The following RNF111 variants were observed in gnomAD, a reference collection of about 807,000 sequenced individuals.
The protein encoded by RNF111 is ring finger protein 111.
RNF111 carries 17 observed loss-of-function variants against 95.1 expected under a neutral mutation model. That is an observed-to-expected ratio of 0.18 (90% CI 0.12 to 0.27). The LOEUF is 0.27. Ranked by LOEUF, RNF111 falls within the 10% of genes least tolerant of loss-of-function variation. RNF111 has a pLI of 1.00. For missense variants in RNF111, 1,189 were observed against 1,210.4 expected (o/e 0.98, Z 0.26); for synonymous variants, 440 against 414.8 (o/e 1.06, Z -0.74).
rs140702737 is a variant in RNF111, at chr15:59,077,811, G to T, written c.1948+1596G>T. 2.9e-4 allele frequency among the ~76,000 whole-genome samples: 44 copies of T among 152,312 alleles called. No homozygotes were observed. In the East Asian group the frequency reaches 7.9e-3, roughly 27 times the overall value. On this transcript the variant is annotated intron_variant, in intron 7 of 13. Coordinates refer to ENST00000348370, the MANE Select transcript of RNF111 (RefSeq NM_017610.8). The stretch of plus-strand genomic sequence containing the variant: ...CATCAATTTACACACCTCATTAGGA[G>T]TGTGTTAATGAGAATGAAGGTAGGA...
intron 10 of RNF111, among the ~76,000 whole-genome samples, chr15:59,088,962 CTG>C (rs2078974423): frequency 6.6e-6 from 1 of 152,140 alleles, no homozygotes; most frequent in African/African-American, 2.4e-5. Flanking sequence ...AAGCACAAAA[CTG>C]TGAAAAACGT....
At chr15:59,071,409 A>G (rs949319899) in intron 6 of RNF111, among the ~76,000 whole-genome samples, 4 of 152,054 alleles carry the variant, frequency 2.6e-5, no homozygotes, top group East Asian at 1.9e-4. Flanking sequence ...AAGGCAGTGC[A>G]TAGTGGCTTA....
intron 1 of RNF111, among the ~76,000 whole-genome samples, chr15:58,993,695 A>G (rs1351945733): frequency 2.6e-5 from 4 of 152,206 alleles, no homozygotes; most frequent in African/African-American, 9.6e-5. Flanking sequence ...GCTTGAGTTA[A>G]AACAAAGGGC....
At chr15:59,053,993 T>C (rs1392652649) in intron 3 of RNF111, among the ~76,000 whole-genome samples, 2 of 152,202 alleles carry the variant, frequency 1.3e-5, no homozygotes, top group African/African-American at 4.8e-5. Context: ...TGGAGGGCAG[T>C]GGCGCCATCT....
At chr15:59,081,468 A>T (rs544809672) in intron 8 of RNF111, among the ~76,000 whole-genome samples, 184 bp downstream of exon 8, 52 of 150,060 alleles carry the variant, frequency 3.5e-4, no homozygotes, top group African/African-American at 1.2e-3. Context: ...ACACAGTGAA[A>T]TACTGTTTTT....
intron 2 of RNF111, chr15:59,050,128 G>GGATTGC (rs2041915696): frequency 6.6e-6 from 1 of 151,148 alleles, no homozygotes; most frequent in Non-Finnish European, 1.5e-5. Flanking sequence ...GCATTGGCGT[G>GGATTGC]ATCTCGGCTC....
intron 2 of RNF111, among the ~76,000 whole-genome samples, chr15:59,041,037 A>T (rs143678982): frequency 1.4e-3 from 211 of 152,156 alleles, no homozygotes; most frequent in African/African-American, 4.5e-3. Flanking sequence ...CTTACTCAAA[A>T]GTGTCTCTTG....
chr15:59,087,932 G>T (rs1473933763), intron 10 of RNF111, among the ~76,000 whole-genome samples: 1 of 152,172 alleles, frequency 6.6e-6, no homozygotes, highest in African/African-American at 2.4e-5. Context: ...AATGGTGAGT[G>T]ATGTAGATGG....
At chr15:59,068,391 G>A (rs1381533645) in intron 6 of RNF111, among the ~76,000 whole-genome samples, 2 of 152,220 alleles carry the variant, frequency 1.3e-5, no homozygotes, top group Non-Finnish European at 2.9e-5. Flanking sequence ...TGGATCACCT[G>A]AGGTCAGAAG....
intron 9 of RNF111, among the ~76,000 whole-genome samples, chr15:59,085,026 C>G (rs1353302754): frequency 1.3e-5 from 2 of 152,190 alleles, no homozygotes; most frequent in African/African-American, 4.8e-5. Context: ...TTCTCCTAGA[C>G]TTGTGGTCTT....
chr15:59,031,614 A>C lies in RNF111; in HGVS notation c.792A>C (p.Glu264Asp). Reference sequence around the variant, plus strand: ...CCAGTGAGAATGACCTCAGCAGTGAATCCTCTTCTAGCTCATCAACTGAAG... The same window carrying C: ...CCAGTGAGAATGACCTCAGCAGTGACTCCTCTTCTAGCTCATCAACTGAAG... ...SSSSENDLSS[E>D]SSSSSSTEGE... Residue 264 changes from glutamate (E) to aspartate (D), a missense_variant, in exon 2 of 14, where the codon GAA (glutamate) becomes GAC (aspartate). Around this residue, in one of 2 missense-constraint regions of RNF111, gnomAD observed 1,024 missense variants for 925.9 expected, o/e 1.11. Coordinates refer to ENST00000348370, the MANE Select transcript of RNF111 (RefSeq NM_017610.8). The C allele has an allele frequency of 1.2e-6, 2 of 1,614,180 alleles. No homozygotes were observed. The highest frequency in any genetic ancestry group is 1.7e-6 in the Non-Finnish European group (2 of 1,180,010).
At chr15:59,080,502 A>AT (rs1179287918) in intron 7 of RNF111, among the ~76,000 whole-genome samples, 14 of 151,920 alleles carry the variant, frequency 9.2e-5, no homozygotes, top group African/African-American at 2.9e-4. Flanking sequence ...ATCTAAATTT[A>AT]TTTTTTTCTT....
chr15:59,002,048 A>G (rs767236764), intron 1 of RNF111, among the ~76,000 whole-genome samples: 1 of 152,228 alleles, frequency 6.6e-6, no homozygotes, highest in Non-Finnish European at 1.5e-5. Context: ...GGTTAATGAC[A>G]TGGGCACTGT....
intron 1 of RNF111, among the ~76,000 whole-genome samples, chr15:59,003,845 A>G (rs913926789): frequency 6.6e-6 from 1 of 152,246 alleles, no homozygotes; most frequent in East Asian, 1.9e-4. Flanking sequence ...AGCTCATTAT[A>G]GGCTTTCAAT....
intron 8 of RNF111, 79 bp downstream of exon 8, chr15:59,081,363 A>C: frequency 8.1e-7 from 1 of 1,231,320 alleles, no homozygotes; most frequent in Non-Finnish European, 1.1e-6. Context: ...TCTGAAATCC[A>C]ACTAGGCATG....
At chr15:59,029,823 T>C (rs1220870609) in intron 1 of RNF111, among the ~76,000 whole-genome samples, 2 of 152,176 alleles carry the variant, frequency 1.3e-5, no homozygotes, top group Admixed American at 1.3e-4. Flanking sequence ...GAGGTGTTCA[T>C]TTTTTTAGTG....
intron 4 of RNF111, 23 bp from the exon 5 acceptor site, chr15:59,058,331 TAA>T (rs1566918967): frequency 6.3e-7 from 1 of 1,594,416 alleles, no homozygotes; most frequent in East Asian, 2.2e-5. Flanking sequence ...TTTGAAATGC[TAA>T]GTTGACATTT....
At chr15:58,992,129 C>T (rs2038844210) in intron 1 of RNF111, among the ~76,000 whole-genome samples, 2 of 152,162 alleles carry the variant, frequency 1.3e-5, no homozygotes, top group Admixed American at 1.3e-4. Context: ...ACTGAAGCCT[C>T]CACCTCCCGG....
intron 2 of RNF111, among the ~76,000 whole-genome samples, chr15:59,040,458 A>G (rs139177306): frequency 6.6e-6 from 1 of 152,300 alleles, no homozygotes; most frequent in African/African-American, 2.4e-5. Context: ...TAACAGACAA[A>G]GCTAGAAATG....
Sources: allele counts gnomAD v4.1 joint callset (sites outside exome capture counted in the v4.1 genomes callset), GRCh38; gene constraint gnomAD v4.1.1; regional missense constraint gnomAD v4.1.1; transcripts MANE v1.5; gene names NCBI Gene and HGNC (gene_info 2026-07-23, HGNC 2026-07-21).